GABRG3: variants seen among roughly 807,000 people sequenced by gnomAD.
The protein encoded by GABRG3 is gamma-aminobutyric acid type A receptor subunit gamma3, also known as gamma-aminobutyric acid receptor subunit gamma-3.
Under a neutral mutation model 48.8 loss-of-function variants are expected in GABRG3, and 25 were observed. The observed-to-expected ratio is 0.51, with a 90% CI of 0.37 to 0.72. The LOEUF (loss-of-function observed/expected upper bound fraction) is 0.72, where lower values mean the gene tolerates loss of function less well. Ranked by LOEUF, GABRG3 falls within the 30% of genes least tolerant of loss-of-function variation. GABRG3 has a pLI of 0.00. For synonymous variants in GABRG3, 227 were observed against 217.6 expected, an observed-to-expected ratio of 1.04 and a Z score of -0.38; for missense variants, 394 against 577.9, an observed-to-expected ratio of 0.68 and a Z score of 3.26.
At chr15:27,403,140 A>T (rs533566306) in intron 5 of GABRG3, among the ~76,000 whole-genome samples, 3 of 152,212 alleles carry the variant, frequency 2.0e-5, no homozygotes, top group Non-Finnish European at 4.4e-5. Flanking sequence ...AAAGAAAAAA[A>T]TTAAGACTGA....
intron 2 of GABRG3, among the ~76,000 whole-genome samples, chr15:26,992,502 C>G (rs1196232306): frequency 6.6e-6 from 1 of 152,058 alleles, no homozygotes; most frequent in Non-Finnish European, 1.5e-5. Context: ...GTCCTTTGTT[C>G]TGTCGATATA....
intron 6 of GABRG3, among the ~76,000 whole-genome samples, chr15:27,488,504 C>G (rs1441925459): frequency 6.6e-6 from 1 of 152,132 alleles, no homozygotes; most frequent in Non-Finnish European, 1.5e-5. Context: ...GAAGACAATT[C>G]TAGTGCCGGC....
chr15:27,313,206 ATATG>A (rs1220589490), intron 3 of GABRG3, among the ~76,000 whole-genome samples: 9 of 140,678 alleles, frequency 6.4e-5, no homozygotes, highest in Admixed American at 2.2e-4. Context: ...GTATATATAT[ATATG>A]TATATGTATA....
intron 3 of GABRG3, among the ~76,000 whole-genome samples, chr15:27,055,222 G>A (rs1896524986): frequency 6.6e-6 from 1 of 152,064 alleles, no homozygotes; most frequent in Non-Finnish European, 1.5e-5. Flanking sequence ...TCTGTGTCCC[G>A]CACCGGAGCA....
chr15:27,050,362 G>A (rs1429107581), intron 3 of GABRG3, among the ~76,000 whole-genome samples: 2 of 152,158 alleles, frequency 1.3e-5, no homozygotes, highest in Non-Finnish European at 2.9e-5. Flanking sequence ...CCTGCTTCCC[G>A]AGGGTGGGTG....
Position 27,541,297 on chromosome 15 carries a change from T to G in GABRG3, c.*8416T>G, listed in dbSNP as rs933840864. 4.6e-5 allele frequency: 7 copies of G among 152,256 alleles called. No homozygotes were observed. The highest frequency in any genetic ancestry group is 1.7e-4 in the African/African-American group (7 of 41,442). 9.4% of individuals were successfully genotyped at this position (152,256 alleles called of 1,614,324 possible). A position where few individuals can be genotyped will look rare whatever the true frequency, so the allele number is the denominator to read the frequency against. ...GATGGCAAACAGCCATCCCCACCCTTGTCTAGGAAGTCGTATTCGCAGGTC... is the reference window on the plus strand; with the variant it reads ...GATGGCAAACAGCCATCCCCACCCTGGTCTAGGAAGTCGTATTCGCAGGTC... On this transcript the variant is annotated 3_prime_UTR_variant, in exon 10 of 10. Coordinates refer to ENST00000615808, the MANE Select transcript of GABRG3 (RefSeq NM_033223.5).
intron 2 of GABRG3, among the ~76,000 whole-genome samples, chr15:27,014,493 T>C (rs1052405068): frequency 6.6e-6 from 1 of 152,118 alleles, no homozygotes; most frequent in Non-Finnish European, 1.5e-5. Flanking sequence ...TGTTGTGTTT[T>C]CTTTATTTGT....
At chr15:27,017,361 G>A (rs556736450) in intron 2 of GABRG3, among the ~76,000 whole-genome samples, 25 of 152,156 alleles carry the variant, frequency 1.6e-4, no homozygotes, top group Non-Finnish European at 5.9e-5. Flanking sequence ...TCACTCTGAT[G>A]CCTGTTTGTG....
At chr15:27,219,111 C>T (rs6606888) in intron 3 of GABRG3, among the ~76,000 whole-genome samples, 84,329 of 152,022 alleles carry the variant, frequency 0.55, 24,213 homozygotes, top group South Asian at 0.7. Flanking sequence ...CCCCTGAGAC[C>T]CCAGAGTCTT....
chr15:27,075,767 T>G (rs1408061034), intron 3 of GABRG3, among the ~76,000 whole-genome samples: 1 of 152,186 alleles, frequency 6.6e-6, no homozygotes, highest in Non-Finnish European at 1.5e-5. Flanking sequence ...TATGGAGGTA[T>G]CAGGATGGCT....
intron 6 of GABRG3, chr15:27,481,324 G>T: frequency 3.4e-6 from 3 of 870,698 alleles, no homozygotes; most frequent in Non-Finnish European, 4.1e-6. Flanking sequence ...AAAAAGAGTT[G>T]TTCTGCCTAT....
At chr15:27,296,684 G>A (rs1481630607) in intron 3 of GABRG3, among the ~76,000 whole-genome samples, 4 of 152,088 alleles carry the variant, frequency 2.6e-5, no homozygotes, top group African/African-American at 7.2e-5. Flanking sequence ...CGGTGTTGGT[G>A]GTGATGCTGG....
chr15:27,058,202 G>C (rs1896584923), intron 3 of GABRG3, among the ~76,000 whole-genome samples: 1 of 152,104 alleles, frequency 6.6e-6, no homozygotes, highest in Non-Finnish European at 1.5e-5. Flanking sequence ...AAATACGCAG[G>C]GACAAAATAA....
chr15:27,069,208 C>T (rs1388681715), intron 3 of GABRG3, among the ~76,000 whole-genome samples: 1 of 152,168 alleles, frequency 6.6e-6, no homozygotes, highest in Non-Finnish European at 1.5e-5. Context: ...TGCTTCTTAA[C>T]AATGAGTAAT....
At chr15:27,506,769 T>G (rs1595798934) in intron 6 of GABRG3, among the ~76,000 whole-genome samples, 1 of 152,132 alleles carries the variant, frequency 6.6e-6, no homozygotes. Flanking sequence ...TTTTATTTAC[T>G]TTTTGAAAAA....
At position 27,081,839 on chromosome 15, in the gene GABRG3, C is replaced by T. The variant is rs1030357096; in HGVS notation, c.270+55018C>T. ...TGCTTTTCCCGTATGGGTATGACAT[C>T]GATTTTCAATAGAAAGGAGGCTCTT... On this transcript the variant is annotated intron_variant, in intron 3 of 9. Transcript: ENST00000615808. Among the ~76,000 whole-genome samples, 3 of 152,312 alleles carry T rather than the reference C, an allele frequency of 2.0e-5. No homozygotes were observed. In the South Asian group the frequency reaches 6.2e-4, roughly 32 times the overall value.
At chr15:27,399,774 T>C (rs1256972584) in intron 5 of GABRG3, among the ~76,000 whole-genome samples, 4 of 152,204 alleles carry the variant, frequency 2.6e-5, no homozygotes, top group Non-Finnish European at 5.9e-5. Flanking sequence ...CTCAAGACTA[T>C]TAAAATTATT....
chr15:27,388,242 G>C (rs370546266), intron 5 of GABRG3, among the ~76,000 whole-genome samples: 1 of 42,498 alleles, frequency 2.4e-5, no homozygotes, highest in Non-Finnish European at 4.5e-5. Context: ...AGGAGGGAGG[G>C]AGGAAAGGAA....
intron 5 of GABRG3, among the ~76,000 whole-genome samples, chr15:27,460,407 A>G (rs1889413579): frequency 6.6e-6 from 1 of 152,154 alleles, no homozygotes; most frequent in African/African-American, 2.4e-5. Context: ...GTTTTGCTGC[A>G]GGAGAAAGGA....
Sources: allele counts gnomAD v4.1 joint callset (sites outside exome capture counted in the v4.1 genomes callset), GRCh38; gene constraint gnomAD v4.1.1; transcripts MANE v1.5; gene names NCBI Gene and HGNC (gene_info 2026-07-23, HGNC 2026-07-21).